Variants in FHIP1A observed in about 807,000 individuals in gnomAD.
FHIP1A encodes the protein FHF complex subunit HOOK-interacting protein 1A.
A neutral mutation model predicts 88.6 loss-of-function variants in FHIP1A; 61 were observed. That is an observed-to-expected ratio of 0.69 (90% CI 0.56 to 0.85). The LOEUF is 0.85. Ranked by LOEUF, FHIP1A falls within the 40% of genes least tolerant of loss-of-function variation. The pLI, the probability that FHIP1A is intolerant of heterozygous loss-of-function variation, is 0.00. For missense variants in FHIP1A, 1,154 were observed against 1,273.5 expected (o/e 0.91, Z 1.43); for synonymous variants, 478 against 496.0 (o/e 0.96, Z 0.48).
At chr4:151,503,264 G>A (rs1249175994) in intron 3 of FHIP1A, among the ~76,000 whole-genome samples, 2 of 152,170 alleles carry the variant, frequency 1.3e-5, no homozygotes, top group Non-Finnish European at 2.9e-5. Context: ...GGGAGGGAGT[G>A]AACAGGTGAG....
chr4:151,443,005 C>A (rs116034216), intron 1 of FHIP1A, among the ~76,000 whole-genome samples: 2 of 152,070 alleles, frequency 1.3e-5, no homozygotes, highest in East Asian at 3.9e-4. Flanking sequence ...ATGGCTATAG[C>A]GCTGGCACTT....
chr4:151,538,649 C>T (rs1732158021), intron 3 of FHIP1A, among the ~76,000 whole-genome samples: 1 of 152,194 alleles, frequency 6.6e-6, no homozygotes, highest in African/African-American at 2.4e-5. Context: ...GCGCATACCT[C>T]CTCTCTAAGA....
chr4:151,656,526 T>C lies in FHIP1A; in HGVS notation c.2730+116T>C, dbSNP rs1737247332. The C allele has an allele frequency of 1.8e-6, 2 of 1,092,412 alleles. No individual in the cohort carries two copies. The highest frequency in any genetic ancestry group is 2.6e-6 in the Non-Finnish European group (2 of 767,262). The allele number at this position is 1,092,412 out of a possible 1,614,324, so 67.7% of individuals were successfully genotyped here. ...TTCCTTTGCTCTAATTCATTTGCTT[T>C]CCTTCCCTGTCCTATTAAGCTCACT... On this transcript the variant is annotated intron_variant, in intron 12 of 13. Coordinates refer to ENST00000435205, the MANE Select transcript of FHIP1A (RefSeq NM_001109977.3). The surrounding 1 kb of genome is among the most constrained non-coding windows in gnomAD (Gnocchi z 4.2).
chr4:151,613,774 A>G (rs893482159), intron 7 of FHIP1A, among the ~76,000 whole-genome samples: 2 of 152,210 alleles, frequency 1.3e-5, no homozygotes, highest in African/African-American at 4.8e-5. Flanking sequence ...TAACTGGATC[A>G]GGATAGGGCA....
At chr4:151,500,939 A>C (rs1015702954) in intron 3 of FHIP1A, among the ~76,000 whole-genome samples, 1 of 152,212 alleles carries the variant, frequency 6.6e-6, no homozygotes. Flanking sequence ...TTGCCGATGC[A>C]CTGAAAAGTA....
intron 1 of FHIP1A, among the ~76,000 whole-genome samples, chr4:151,415,013 G>A (rs920029194): frequency 2.6e-5 from 4 of 151,654 alleles, no homozygotes; most frequent in African/African-American, 9.7e-5. Context: ...TATTATTAAC[G>A]TGGTTGTTAA....
chr4:151,526,273 T>C (rs35032269), intron 3 of FHIP1A, among the ~76,000 whole-genome samples: 10 of 152,102 alleles, frequency 6.6e-5, no homozygotes, highest in African/African-American at 9.7e-5. Flanking sequence ...AGCTGTTGGG[T>C]ACACCTCCCA....
intron 1 of FHIP1A, among the ~76,000 whole-genome samples, chr4:151,436,145 G>A (rs1360529707): frequency 6.6e-6 from 1 of 152,128 alleles, no homozygotes; most frequent in Non-Finnish European, 1.5e-5. Context: ...GTATGGACCT[G>A]ACTAACATGG....
intron 3 of FHIP1A, among the ~76,000 whole-genome samples, chr4:151,529,640 T>C (rs1731800660): frequency 6.6e-6 from 1 of 152,074 alleles, no homozygotes; most frequent in Non-Finnish European, 1.5e-5. Flanking sequence ...CCCCGAGCAG[T>C]GGTTGGCAAC....
chr4:151,447,738 A>G (rs1728657550), intron 1 of FHIP1A, among the ~76,000 whole-genome samples: 2 of 152,184 alleles, frequency 1.3e-5, no homozygotes, highest in Non-Finnish European at 1.5e-5. Flanking sequence ...GTGGCCCTTC[A>G]TTTGATACAA....
intron 3 of FHIP1A, among the ~76,000 whole-genome samples, chr4:151,502,518 A>G (rs1730690389): frequency 6.6e-6 from 1 of 152,210 alleles, no homozygotes; most frequent in Non-Finnish European, 1.5e-5. Context: ...AGCAGGTGGA[A>G]GAAAGAATTA....
At chr4:151,416,901 A>T (rs1031667572) in intron 1 of FHIP1A, among the ~76,000 whole-genome samples, 13 of 152,036 alleles carry the variant, frequency 8.6e-5, no homozygotes, top group Admixed American at 7.9e-4. Flanking sequence ...CTCCCACCTC[A>T]GTCTCCTGAG....
At chr4:151,542,168 T>C (rs1560757904) in intron 3 of FHIP1A, among the ~76,000 whole-genome samples, 1 of 152,188 alleles carries the variant, frequency 6.6e-6, no homozygotes, top group African/African-American at 2.4e-5. Flanking sequence ...CCTGGTTGTG[T>C]GACGAGAACC....
At chr4:151,510,257 A>G (rs1012091466) in intron 3 of FHIP1A, among the ~76,000 whole-genome samples, 1 of 151,848 alleles carries the variant, frequency 6.6e-6, no homozygotes, top group Non-Finnish European at 1.5e-5. Context: ...GATGCATGCC[A>G]CTGTGCCCAC....
chr4:151,635,380 T>G (rs1341536549), intron 8 of FHIP1A, among the ~76,000 whole-genome samples: 1 of 151,848 alleles, frequency 6.6e-6, no homozygotes, highest in East Asian at 1.9e-4. Flanking sequence ...TGGGTATATA[T>G]CTAAAAGAAT....
At chr4:151,598,061 A>G (rs889576068) in intron 7 of FHIP1A, among the ~76,000 whole-genome samples, 1 of 151,756 alleles carries the variant, frequency 6.6e-6, no homozygotes, top group Non-Finnish European at 1.5e-5. Flanking sequence ...CTGGCCTTCC[A>G]GGCGCCACTG....
intron 3 of FHIP1A, among the ~76,000 whole-genome samples, chr4:151,547,924 GAA>G (rs75095708): frequency 3.0e-5 from 4 of 133,534 alleles, no homozygotes; most frequent in East Asian, 2.2e-4. Flanking sequence ...AAAAGAAAAA[GAA>G]AAAAAAAAAA....
chr4:151,513,690 G>A (rs936084460), intron 3 of FHIP1A, among the ~76,000 whole-genome samples: 2 of 152,080 alleles, frequency 1.3e-5, no homozygotes, highest in Non-Finnish European at 2.9e-5. Context: ...CCAACAAAGG[G>A]CAAAAGAGAG....
chr4:151,418,976 A>T (rs1274818674), intron 1 of FHIP1A, among the ~76,000 whole-genome samples: 1 of 152,056 alleles, frequency 6.6e-6, no homozygotes, highest in Non-Finnish European at 1.5e-5. Flanking sequence ...AGCTGTGCTC[A>T]TGTCACCTAT....
Sources: allele counts gnomAD v4.1 joint callset (sites outside exome capture counted in the v4.1 genomes callset), GRCh38; gene constraint gnomAD v4.1.1; non-coding constraint Gnocchi (gnomAD v3.1); transcripts MANE v1.5; gene names NCBI Gene and HGNC (gene_info 2026-07-23, HGNC 2026-07-21).